ACOT11: variants seen among roughly 807,000 people sequenced by gnomAD.
ACOT11 encodes the protein acyl-CoA thioesterase 11, also known as acyl-coenzyme A thioesterase 11.
Under a neutral mutation model 77.5 loss-of-function variants are expected in ACOT11, and 69 were observed. The observed-to-expected ratio is 0.89, with a 90% CI of 0.73 to 1.09. ACOT11 has a LOEUF of 1.09. Ranked by LOEUF, ACOT11 falls within the 50% of genes least tolerant of loss-of-function variation. The probability of loss-of-function intolerance (pLI) is 0.00; values close to 1 mark genes in which losing one functional copy is unlikely to be tolerated. For synonymous variants in ACOT11, 279 were observed against 313.0 expected (o/e 0.89, Z 1.15); for missense variants, 766 against 813.7 (o/e 0.94, Z 0.71).
intron 15 of ACOT11, among the ~76,000 whole-genome samples, chr1:54,618,453 C>T (rs1482762005): frequency 6.6e-6 from 1 of 152,044 alleles, no homozygotes; most frequent in Non-Finnish European, 1.5e-5. Context: ...TGCAGTGAGC[C>T]AAGATCACAC....
Position 54,626,328 on chromosome 1 carries a change from G to A in ACOT11, c.1630-4406G>A, listed in dbSNP as rs142821347. On this transcript the variant is annotated intron_variant, in intron 15 of 16. Coordinates refer to the ACOT11 transcript ENST00000371316. ...AAAAGAAAAGAAAAGAAGTCTAGAG[G>A]AACAACAAACCACTAGAATTATACA... Among the ~76,000 whole-genome samples the A allele has an allele frequency of 3.2e-3, 487 of 152,038 alleles. 3 individuals carry two copies. Among genetic ancestry groups the A allele is most frequent in the African/African-American group, 0.011 (439 of 41,458 alleles).
In ACOT11 at chr1:54,607,298, C is replaced by T. The variant is rs1489708171; in HGVS notation, c.1502+33C>T. On this transcript the variant is annotated intron_variant, in intron 14 of 15. Transcript: ENST00000343744. This position sits in a 1 kb window ranked among gnomAD's most constrained non-coding sequence, Gnocchi z 4.5. ...CCTATCTGCTGTGGGGTGGGGGACA[C>T]AACTGGACAGGGTGGTAGGGTGGCC... 9 of 1,612,300 alleles carry T rather than the reference C, an allele frequency of 5.6e-6. No individual in the cohort carries two copies. In the South Asian group the frequency reaches 9.9e-5, roughly 18 times the overall value.
chr1:54,570,056 C>T (rs563196512), intron 1 of ACOT11, among the ~76,000 whole-genome samples: 21 of 152,260 alleles, frequency 1.4e-4, no homozygotes, highest in African/African-American at 4.8e-4. Flanking sequence ...GTGGTCTGCT[C>T]CTGTGTGCCC....
chr1:54,580,667 A>G (rs1316046360), intron 1 of ACOT11, among the ~76,000 whole-genome samples: 3 of 151,026 alleles, frequency 2.0e-5, no homozygotes, highest in East Asian at 3.9e-4. Flanking sequence ...ATGGGCATTT[A>G]TTTAGCCCCA....
chr1:54,615,916 C>T, intron 15 of ACOT11: 1 of 1,221,552 alleles, frequency 8.2e-7, no homozygotes, highest in East Asian at 2.5e-5. Context: ...GCAATGAGCA[C>T]CTCGTGTCAG....
At chr1:54,590,845 C>G (rs1654687474) in intron 3 of ACOT11, among the ~76,000 whole-genome samples, 2 of 152,204 alleles carry the variant, frequency 1.3e-5, no homozygotes, top group African/African-American at 4.8e-5. Flanking sequence ...ACCTCCGCCT[C>G]CTGGGTTCAA....
At chr1:54,636,983 A>G (rs144924317) in exon 17 of ACOT11, 4,476 of 157,372 alleles carry the variant, frequency 0.028, 195 homozygotes, top group African/African-American at 0.1. Context: ...AAGGTTACAG[A>G]TTAACGGCAT....
chr1:54,561,543 TTCCCC>T (rs1371197788), intron 1 of ACOT11, among the ~76,000 whole-genome samples: 45 of 118,712 alleles, frequency 3.8e-4, no homozygotes, highest in African/African-American at 1.5e-3. Context: ...TCTCAATCTT[TTCCCC>T]ACCTTTCCCG....
chr1:54,564,266 A>G (rs1172786482), intron 1 of ACOT11, among the ~76,000 whole-genome samples: 1 of 152,142 alleles, frequency 6.6e-6, no homozygotes, highest in East Asian at 1.9e-4. Flanking sequence ...AATAAAATAA[A>G]AAAAGAAAAA....
intron 1 of ACOT11, among the ~76,000 whole-genome samples, chr1:54,575,577 A>T (rs1454277339): frequency 1.3e-5 from 2 of 152,092 alleles, no homozygotes; most frequent in Non-Finnish European, 2.9e-5. Context: ...CACTGAAAAA[A>T]ATCTCATGCA....
chr1:54,614,887 G>A (rs191173076), downstream of ACOT11: 2 of 1,608,168 alleles, frequency 1.2e-6, no homozygotes, highest in Non-Finnish European at 1.7e-6. Flanking sequence ...AGGGCTTGGG[G>A]AAATGGCGAA....
chr1:54,555,114 C>G (rs186929702), intron 1 of ACOT11, among the ~76,000 whole-genome samples: 2 of 152,182 alleles, frequency 1.3e-5, no homozygotes, highest in Non-Finnish European at 2.9e-5. Context: ...ATTGCGACAC[C>G]ATGCCTGGCT....
chr1:54,560,706 T>C (rs1653441247), intron 1 of ACOT11, among the ~76,000 whole-genome samples: 1 of 150,886 alleles, frequency 6.6e-6, no homozygotes, highest in South Asian at 2.1e-4. Flanking sequence ...AAAAGAACAA[T>C]GTGTCAACTA....
chr1:54,562,545 AC>A (rs1231622338), intron 1 of ACOT11, among the ~76,000 whole-genome samples: 5 of 55,072 alleles, frequency 9.1e-5, no homozygotes, highest in African/African-American at 4.2e-4. Flanking sequence ...CGGGGGGCTG[AC>A]CCACCCCCCA....
Position 54,599,259 on chromosome 1 carries a change from G to A in ACOT11, c.765-37G>A, listed in dbSNP as rs370287153. On this transcript the variant is annotated intron_variant, in intron 7 of 15. Transcript: ENST00000343744. ...CCCAAACTAGTGGCTGAAGCACCAG[G>A]GGCATTCCTTCTGTCTCCCCACCCC... 1.1e-4 allele frequency: 150 copies of A among 1,364,376 alleles called. 1 individual carries two copies. The highest frequency in any genetic ancestry group is 1.4e-4 in the Non-Finnish European group (149 of 1,036,358). The allele number at this position is 1,364,376 out of a possible 1,614,324, so 84.5% of individuals were successfully genotyped here.
chr1:54,553,983 G>A (rs866125506), intron 1 of ACOT11, among the ~76,000 whole-genome samples: 2 of 152,132 alleles, frequency 1.3e-5, no homozygotes, highest in Middle Eastern at 6.8e-3. Context: ...AGGCCAGCCT[G>A]GGCAACATGG....
intron 8 of ACOT11, among the ~76,000 whole-genome samples, chr1:54,600,409 G>A (rs1291633821): frequency 2.0e-5 from 3 of 152,166 alleles, no homozygotes; most frequent in Non-Finnish European, 4.4e-5. Context: ...GTGGCTGAGC[G>A]CAGTGGCTCA....
chr1:54,581,722 G>A (rs300265), intron 1 of ACOT11, among the ~76,000 whole-genome samples: 67,777 of 152,022 alleles, frequency 0.45, 16,153 homozygotes, highest in Non-Finnish European at 0.54. Flanking sequence ...TAGCTCTCTT[G>A]GCTCGGCCTG....
chr1:54,580,881 G>A (rs1247370541), intron 1 of ACOT11, among the ~76,000 whole-genome samples: 1 of 152,220 alleles, frequency 6.6e-6, no homozygotes, highest in East Asian at 1.9e-4. Context: ...ACGGATTCTA[G>A]GTGGAAGTGG....
Sources: gnomAD v4.1 joint callset for allele counts (sites outside exome capture counted in the v4.1 genomes callset) on GRCh38, gnomAD v4.1.1 for gene constraint, Gnocchi (gnomAD v3.1) non-coding constraint, MANE v1.5 for transcripts, NCBI Gene and HGNC (gene_info 2026-07-23, HGNC 2026-07-21) for gene names.